Variants in DHX30 observed in about 807,000 individuals in gnomAD.
DHX30 encodes the protein DExH-box helicase 30, also known as ATP-dependent RNA helicase DHX30.
In DHX30, 4 loss-of-function variants were observed where a neutral mutation model predicts 116.9. That is an observed-to-expected ratio of 0.03 (90% CI 0.02 to 0.08). The LOEUF (loss-of-function observed/expected upper bound fraction) is 0.08. DHX30 is among the 10% of genes least tolerant of loss of function. The pLI, the probability that DHX30 is intolerant of heterozygous loss-of-function variation, is 1.00. For missense variants in DHX30, 871 were observed against 1,595.1 expected, an observed-to-expected ratio of 0.55 and a Z score of 7.73; for synonymous variants, 697 against 651.7, an observed-to-expected ratio of 1.07 and a Z score of -1.06.
intron 3 of DHX30, 159 bp from the exon 4 acceptor site, chr3:47,817,863 T>C (rs2036128225): frequency 1.4e-6 from 1 of 711,080 alleles, no homozygotes; most frequent in African/African-American, 1.7e-5. Context: ...CTGTGTGGCG[T>C]TGTTAGTGCT....
At chr3:47,819,785 C>T (rs779721339) in intron 4 of DHX30, among the ~76,000 whole-genome samples, 1 of 152,198 alleles carries the variant, frequency 6.6e-6, no homozygotes, top group East Asian at 1.9e-4. Flanking sequence ...CCTTGACCCC[C>T]CTTCCTCCAC....
At chr3:47,825,090 C>T in intron 4 of DHX30, 1 of 670,844 alleles carries the variant, frequency 1.5e-6, no homozygotes. Flanking sequence ...TCTCTCCGCG[C>T]CTGCAGCCGC....
chr3:47,847,090 CAA>C lies in DHX30; in HGVS notation c.1929+90_1929+91del, dbSNP rs2037643573. ...TGGCCCTGGGGCTTGGTGCCTGGGG[CAA>C]GTTACCCTCCCCAGTCCTCGGTTTC... On this transcript the variant is annotated intron_variant, in intron 11 of 21. Coordinates refer to ENST00000445061, the MANE Select transcript of DHX30 (RefSeq NM_138615.3). The surrounding 1 kb of genome is among the most constrained non-coding windows in gnomAD (Gnocchi z 5.5). 1.3e-6 allele frequency: 2 copies of C among 1,517,362 alleles called. No individual in the cohort carries two copies. The highest frequency in any genetic ancestry group is 2.7e-5 in the African/African-American group (2 of 73,012). 94.0% of individuals were successfully genotyped at this position (1,517,362 alleles called of 1,614,324 possible). A position where few individuals can be genotyped will look rare whatever the true frequency, so the allele number is the denominator to read the frequency against.
chr3:47,841,138 A>G lies in DHX30; in HGVS notation c.628A>G (p.Met210Val). The change falls in exon 7 of 22, where the codon ATG becomes GTG. Residue 210 changes from methionine (M) to valine (V), a missense_variant. Met to Val is a conservative substitution (Grantham distance 21). This residue lies in a region of DHX30 where 109 missense variants were observed against 118.8 expected (regional missense o/e 0.92). Transcript: ENST00000445061. ...CATAGATGTTACCGACTTCTTGTCC[A>G]TGACCCAGCAGGATTCCCACGCTCC... is the stretch of plus-strand genomic sequence containing the variant. Reference protein sequence around the residue: ...GTIDVTDFLSMTQQDSHAPLR... With the variant: ...GTIDVTDFLSVTQQDSHAPLR... 1.2e-6 allele frequency: 2 copies of G among 1,614,190 alleles called. No homozygotes were observed. The highest frequency in any genetic ancestry group is 1.7e-6 in the Non-Finnish European group (2 of 1,180,036).
In DHX30 at chr3:47,840,509, GC is replaced by G. The variant is rs572262761; in HGVS notation, c.367-366del. Among the ~76,000 whole-genome samples, 522 of 151,956 alleles carry G rather than the reference GC, an allele frequency of 3.4e-3. 3 individuals carry two copies. The highest frequency in any genetic ancestry group is 0.01 in the Middle Eastern group (3 of 294). On this transcript the variant is annotated intron_variant, in intron 6 of 21. Transcript: ENST00000445061. ...AAATTCGCTGGGCGTTGTGGTGCAT[GC>G]CTTTAGTCCCAGTTACTTTGGAAGT...
chr3:47,849,265 C>G lies in DHX30; in HGVS notation c.3003C>G (p.Ala1001=), dbSNP rs1414795690. ...GGAAGCCCTCGGACTGCACCCTGGC[C>G]TCCGCCCAGTGCAACGAGTACAGTG... The part of the protein sequence containing the change: ...LVGKPSDCTL[A]SAQCNEYSEE... The change falls in exon 19 of 22, where the codon GCC becomes GCG. Residue 1001 remains alanine (A), a synonymous_variant. Coordinates refer to ENST00000445061, the MANE Select transcript of DHX30 (RefSeq NM_138615.3). 26 of 1,614,158 alleles carry G rather than the reference C, an allele frequency of 1.6e-5. No individual in the cohort carries two copies. Among genetic ancestry groups the G allele is most frequent in the Non-Finnish European group, 2.1e-5 (25 of 1,180,028 alleles).
chr3:47,843,055 C>T, intron 8 of DHX30, 51 bp from the exon 9 acceptor site: 2 of 1,603,332 alleles, frequency 1.2e-6, no homozygotes, highest in Non-Finnish European at 1.7e-6. Flanking sequence ...TGCCCCAAGT[C>T]TCTTCCCATT....
At chr3:47,842,178 T>A (rs1337745955) in intron 8 of DHX30, 3 of 166,132 alleles carry the variant, frequency 1.8e-5, no homozygotes, top group Admixed American at 5.9e-5. Flanking sequence ...TCTCTCTAGC[T>A]AAGAAAGCCG....
Position 47,847,260 on chromosome 3 carries a change from T to C in DHX30, c.1930-13T>C. 3 of 1,614,160 alleles carry C rather than the reference T, an allele frequency of 1.9e-6. No individual in the cohort carries two copies. In the South Asian group the frequency reaches 3.3e-5, roughly 18 times the overall value. On this transcript the variant is annotated splice_polypyrimidine_tract_variant and intron_variant, in intron 11 of 21. Coordinates refer to ENST00000445061, the MANE Select transcript of DHX30 (RefSeq NM_138615.3). This position sits in a 1 kb window ranked among gnomAD's most constrained non-coding sequence, Gnocchi z 5.5. ...CCGGGGCTGTGACTGTGGCCTCTCT[T>C]CCCCCACCCCAGTCTGAGGATGAAT...
At chr3:47,817,144 C>A (rs1559691864) in intron 3 of DHX30, among the ~76,000 whole-genome samples, 1 of 152,156 alleles carries the variant, frequency 6.6e-6, no homozygotes, top group Non-Finnish European at 1.5e-5. Context: ...GCCATCTCTG[C>A]TCCCCTTCTA....
intron 10 of DHX30, 141 bp from the exon 11 acceptor site, chr3:47,846,023 CG>C: frequency 7.2e-7 from 1 of 1,392,198 alleles, no homozygotes; most frequent in Non-Finnish European, 9.7e-7. Context: ...ACAAGGATCC[CG>C]GGGCAGTCAT....
chr3:47,843,231 A>T lies in DHX30; in HGVS notation c.915A>T (p.Ala305=). 6.2e-7 allele frequency: 1 copy of T among 1,614,280 alleles called. No homozygotes were observed. The highest frequency in any genetic ancestry group is 8.5e-7 in the Non-Finnish European group (1 of 1,180,052). ...RRKAEAENKA[A]ALACKKLKSL... Reference sequence around the variant, plus strand: ...AAGCAGAGGCTGAGAATAAGGCGGCAGCCTTGGCCTGCAAGAAACTGAAGG... The same window carrying T: ...AAGCAGAGGCTGAGAATAAGGCGGCTGCCTTGGCCTGCAAGAAACTGAAGG... Residue 305 remains alanine (A), a synonymous_variant, in exon 9 of 22, where the codon GCA becomes GCT. Transcript: ENST00000445061.
In DHX30 at chr3:47,840,873, C is replaced by G; in HGVS notation, c.367-4C>G. ...ATCCTTAAAACGTCCCTTTTCCCCT[C>G]CAGGGTTGGGGTCTGCTAGGTCCCC... On this transcript the variant is annotated splice_polypyrimidine_tract_variant and splice_region_variant and intron_variant, in intron 6 of 21. Coordinates refer to ENST00000445061, the MANE Select transcript of DHX30 (RefSeq NM_138615.3). 1.9e-6 allele frequency: 3 copies of G among 1,614,118 alleles called. No homozygotes were observed. In the South Asian group the frequency reaches 3.3e-5, roughly 18 times the overall value.
chr3:47,838,386 A>G (rs564139980), intron 6 of DHX30, among the ~76,000 whole-genome samples: 6 of 152,370 alleles, frequency 3.9e-5, no homozygotes, highest in African/African-American at 1.2e-4. Flanking sequence ...TAAAAGTTCT[A>G]TCATCCAGGA....
At chr3:47,815,763 G>A (rs1179390380) in intron 3 of DHX30, among the ~76,000 whole-genome samples, 2 of 130,226 alleles carry the variant, frequency 1.5e-5, no homozygotes, top group African/African-American at 5.6e-5. Context: ...AGCAAGCTGA[G>A]TCTTTCACAG....
intron 4 of DHX30, among the ~76,000 whole-genome samples, chr3:47,824,078 C>T (rs540620720): frequency 1.4e-5 from 2 of 140,610 alleles, no homozygotes; most frequent in African/African-American, 2.6e-5. Flanking sequence ...TCTTGGCTTA[C>T]TGCAACCTCC....
At chr3:47,819,470 G>T (rs2036204314) in intron 4 of DHX30, among the ~76,000 whole-genome samples, 1 of 152,198 alleles carries the variant, frequency 6.6e-6, no homozygotes, top group African/African-American at 2.4e-5. Context: ...TGAGCCTGGT[G>T]GTCTCTCCTC....
At chr3:47,833,787 T>C (rs1261444092) in intron 6 of DHX30, among the ~76,000 whole-genome samples, 1 of 150,314 alleles carries the variant, frequency 6.7e-6, no homozygotes, top group East Asian at 2.0e-4. Flanking sequence ...GAACCCAGGA[T>C]GCAGAGGTTG....
At chr3:47,829,316 T>TATATATATATATATATA (rs139342520) in intron 6 of DHX30, among the ~76,000 whole-genome samples, 182 bp downstream of exon 6, 2 of 33,258 alleles carry the variant, frequency 6.0e-5, no homozygotes, top group African/African-American at 2.6e-4. Flanking sequence ...ATATATATAT[T>TATATATATATATATATA]TTTTTTTTTT....
Sources: allele counts gnomAD v4.1 joint callset (sites outside exome capture counted in the v4.1 genomes callset), GRCh38; gene constraint gnomAD v4.1.1; regional missense constraint gnomAD v4.1.1; non-coding constraint Gnocchi (gnomAD v3.1); transcripts MANE v1.5; gene names NCBI Gene and HGNC (gene_info 2026-07-23, HGNC 2026-07-21).